Variants in RAB37 observed in about 807,000 individuals in gnomAD.
RAB37 encodes ras-related protein Rab-37.
A neutral mutation model predicts 33.1 loss-of-function variants in RAB37; 29 were observed. That is an observed-to-expected ratio of 0.88 (90% CI 0.65 to 1.20). The LOEUF is 1.20. Among genes scored for constraint, RAB37 ranks in the 50% most tolerant of loss-of-function variants. The pLI is 0.00. For synonymous variants in RAB37, 128 were observed against 119.5 expected (o/e 1.07, Z -0.47); for missense variants, 299 against 301.1 (o/e 0.99, Z 0.05).
chr17:74,704,939 C>T (rs917671256), intron 1 of RAB37: 1 of 770,514 alleles, frequency 1.3e-6, no homozygotes, highest in Non-Finnish European at 2.1e-6. Context: ...GGAAGAAATA[C>T]ACCTTCCGCA....
chr17:74,695,094 G>A lies in RAB37; in HGVS notation c.72+23436G>A, dbSNP rs760184810. ...GGTCCAAGAAGGAGCCTGGAGTGCA[G>A]GCTAAGGCCTGCTGATGGTGCTGTA... On this transcript the variant is annotated intron_variant, in intron 1 of 7. Coordinates refer to the RAB37 transcript ENST00000340415. 5 of 1,613,136 alleles carry A rather than the reference G, an allele frequency of 3.1e-6. No homozygotes were observed. The South Asian group carries it at 5.5e-5, about 18-fold the overall frequency.
chr17:74,682,853 G>A (rs1462596084), intron 1 of RAB37, among the ~76,000 whole-genome samples: 7 of 152,130 alleles, frequency 4.6e-5, no homozygotes, highest in Admixed American at 3.3e-4. Context: ...GCGGTGAGCC[G>A]AGATTGCACC....
chr17:74,684,899 A>AGATAGATAGATC (rs1469187444), intron 1 of RAB37, among the ~76,000 whole-genome samples: 11 of 147,982 alleles, frequency 7.4e-5, no homozygotes, highest in African/African-American at 1.7e-4. Context: ...ATAGATAGAT[A>AGATAGATAGATC]GATCCATCAT....
Position 74,744,844 on chromosome 17 carries a change from C to T in RAB37, c.433-29C>T, listed in dbSNP as rs563778509. On this transcript the variant is annotated intron_variant, in intron 6 of 8. Transcript: ENST00000392613. The surrounding 1 kb of genome is among the most constrained non-coding windows in gnomAD (Gnocchi z 4.2). ...GGCCCGCTGGGGCGGAGGCCTCCTT[C>T]CCCAGAGTGACCCATTTGGGCTTGA... The T allele has an allele frequency of 2.2e-5, 35 of 1,614,024 alleles. 1 individual carries two copies. In the African/African-American group the frequency reaches 3.5e-4, roughly 16 times the overall value.
intron 1 of RAB37, among the ~76,000 whole-genome samples, chr17:74,689,378 G>A (rs1434877170): frequency 6.6e-6 from 1 of 152,106 alleles, no homozygotes; most frequent in Non-Finnish European, 1.5e-5. Flanking sequence ...GGGAGGCAGA[G>A]GTTGTGGTGA....
intron 1 of RAB37, among the ~76,000 whole-genome samples, chr17:74,726,216 CAG>C (rs759664168): frequency 1.7e-3 from 230 of 138,142 alleles, no homozygotes; most frequent in Middle Eastern, 3.7e-3. Flanking sequence ...GCCTGGGCGA[CAG>C]AGAGAGACTC....
chr17:74,716,096 A>G (rs1219093493), intron 1 of RAB37, among the ~76,000 whole-genome samples: 1 of 152,186 alleles, frequency 6.6e-6, no homozygotes, highest in Non-Finnish European at 1.5e-5. Flanking sequence ...CCAAGTGCCT[A>G]TGGGGAATAC....
intron 1 of RAB37, among the ~76,000 whole-genome samples, chr17:74,675,178 G>A (rs902125544): frequency 2.0e-5 from 3 of 152,124 alleles, no homozygotes; most frequent in African/African-American, 7.2e-5. Flanking sequence ...GCTGGGCGCA[G>A]TGGCTCCCAG....
intron 2 of RAB37, among the ~76,000 whole-genome samples, chr17:74,741,325 T>C (rs1247787346): frequency 1.3e-5 from 2 of 152,052 alleles, no homozygotes; most frequent in Non-Finnish European, 2.9e-5. Context: ...TGGTGGCTCT[T>C]GCCTGTATTC....
chr17:74,737,371 T>C lies in RAB37; in HGVS notation c.93+6T>C, dbSNP rs1285806748. On this transcript the variant is annotated splice_donor_region_variant and intron_variant, in intron 1 of 8. Coordinates refer to ENST00000392613, the MANE Select transcript of RAB37 (RefSeq NM_001006638.3). Reference sequence around the variant, plus strand: ...GCTACGACCTCACGGGCAAGGTGGGTGGGCCTCTTCCGTGAGACCCCCGCC... The same window carrying C: ...GCTACGACCTCACGGGCAAGGTGGGCGGGCCTCTTCCGTGAGACCCCCGCC... The C allele has an allele frequency of 1.3e-6, 2 of 1,560,234 alleles. No individual in the cohort carries two copies. The highest frequency in any genetic ancestry group is 2.3e-5 in the South Asian group (2 of 85,916).
intron 1 of RAB37, among the ~76,000 whole-genome samples, chr17:74,702,825 C>T (rs552080152): frequency 1.3e-5 from 2 of 152,352 alleles, no homozygotes; most frequent in South Asian, 4.1e-4. Flanking sequence ...AACCTACAAA[C>T]AGCACTGAGC....
chr17:74,735,033 GAAAGAAAGAA>G (rs1157159690), upstream of RAB37, among the ~76,000 whole-genome samples: 1 of 124,544 alleles, frequency 8.0e-6, no homozygotes, highest in Non-Finnish European at 1.8e-5. Context: ...AAGAAAGAAA[GAAAGAAAGAA>G]AGAAAGAAAG....
chr17:74,729,238 T>C lies in RAB37; in HGVS notation c.73-18T>C, dbSNP rs1403658925. On this transcript the variant is annotated intron_variant, in intron 1 of 7. Coordinates refer to the RAB37 transcript ENST00000340415. This position sits in a 1 kb window ranked among gnomAD's most constrained non-coding sequence, Gnocchi z 4.2. Reference sequence around the variant, plus strand: ...CACATCACAGGCCCTCAGCTCTCTCTCTATTGTTCCCTTCCAGACCATCCT... The same window carrying C: ...CACATCACAGGCCCTCAGCTCTCTCCCTATTGTTCCCTTCCAGACCATCCT... 1 of 1,593,292 alleles carries C rather than the reference T, an allele frequency of 6.3e-7. No homozygotes were observed. The highest frequency in any genetic ancestry group is 8.6e-7 in the Non-Finnish European group (1 of 1,161,174).
chr17:74,698,456 G>A (rs1227187872), intron 1 of RAB37: 1 of 1,613,968 alleles, frequency 6.2e-7, no homozygotes, highest in Non-Finnish European at 8.5e-7. Flanking sequence ...AGGGGCAGGA[G>A]GACACTGAGC....
At chr17:74,719,526 G>A (rs1368759135) in intron 1 of RAB37, among the ~76,000 whole-genome samples, 1 of 150,572 alleles carries the variant, frequency 6.6e-6, no homozygotes, top group African/African-American at 2.4e-5. Context: ...TTTTTCTTTT[G>A]AGATGGGTTC....
chr17:74,736,912 G>T, upstream of RAB37: 1 of 1,493,316 alleles, frequency 6.7e-7, no homozygotes, highest in Non-Finnish European at 8.9e-7. Context: ...GTCGCGGTGC[G>T]CAGCGACTAC....
chr17:74,740,871 A>C lies in RAB37; in HGVS notation c.197A>C (p.Asp66Ala), dbSNP rs2034597423. 7 of 1,610,182 alleles carry C rather than the reference A, an allele frequency of 4.3e-6. No homozygotes were observed. Among genetic ancestry groups the C allele is most frequent in the Middle Eastern group, 1.7e-4 (1 of 6,056 alleles). Reference protein sequence around the residue: ...SGTFIATVGIDFRNKVVTVDG... With the variant: ...SGTFIATVGIAFRNKVVTVDG... ...ACCTTCATAGCCACCGTCGGCATAG[A>C]CTTCAGGGTGAGGTGGCTGCAGGCA... The change falls in exon 2 of 9, where the codon GAC (aspartate) becomes GCC (alanine). Residue 66 changes from aspartate (D) to alanine (A), a missense_variant. Physicochemically the swap from Asp to Ala is moderately radical, Grantham distance 126. Coordinates refer to ENST00000392613, the MANE Select transcript of RAB37 (RefSeq NM_001006638.3).
chr17:74,695,470 T>C (rs1343442252), intron 1 of RAB37, among the ~76,000 whole-genome samples: 1 of 152,172 alleles, frequency 6.6e-6, no homozygotes, highest in Non-Finnish European at 1.5e-5. Context: ...ACATTTCCTG[T>C]GGAATCCCAA....
At chr17:74,727,947 GTGTC>G (rs1183332681) in intron 1 of RAB37, among the ~76,000 whole-genome samples, 2 of 151,990 alleles carry the variant, frequency 1.3e-5, no homozygotes, top group Non-Finnish European at 2.9e-5. Flanking sequence ...GTGAATGTGT[GTGTC>G]TGTGTGTCGG....
Sources: gnomAD v4.1 joint callset for allele counts (sites outside exome capture counted in the v4.1 genomes callset) on GRCh38, gnomAD v4.1.1 for gene constraint, Gnocchi (gnomAD v3.1) non-coding constraint, MANE v1.5 for transcripts, NCBI Gene and HGNC (gene_info 2026-07-23, HGNC 2026-07-21) for gene names.